Variants in ABCA1 observed in about 807,000 individuals in gnomAD.
ABCA1 encodes phospholipid-transporting ATPase ABCA1.
In ABCA1, 133 loss-of-function variants were observed where a neutral mutation model predicts 262.5. The ratio of observed to expected loss-of-function variants is 0.51; its 90% CI spans 0.44 to 0.59. The LOEUF (loss-of-function observed/expected upper bound fraction) is 0.59, where lower values mean the gene tolerates loss of function less well. Among genes scored for constraint, ABCA1 ranks in the 20% least tolerant of loss-of-function variants. The probability of loss-of-function intolerance (pLI) is 0.00; values close to 1 mark genes in which losing one functional copy is unlikely to be tolerated. For missense variants in ABCA1, 2,452 were observed against 2,777.5 expected (o/e 0.88, Z 2.63); for synonymous variants, 1,022 against 1,043.5 (o/e 0.98, Z 0.40).
In ABCA1 at chr9:104,781,011, A is replaced by C. The variant is rs1362243656; in HGVS notation, c.*3304T>G. The C allele has an allele frequency of 6.6e-6, 1 of 152,636 alleles. No individual in the cohort carries two copies. The highest frequency in any genetic ancestry group is 1.5e-5 in the Non-Finnish European group (1 of 68,038). 9.5% of individuals were successfully genotyped at this position (152,636 alleles called of 1,614,324 possible). A position where few individuals can be genotyped will look rare whatever the true frequency, so the allele number is the denominator to read the frequency against. On this transcript the variant is annotated 3_prime_UTR_variant, in exon 50 of 50. Transcript: ENST00000374736. ...AATGCACAAAAGTAAATTTCTGTAG[A>C]CCAACAGAACTGTCACAGCTTTATT... is the stretch of plus-strand genomic sequence containing the variant.
At position 104,889,720 on chromosome 9, in the gene ABCA1, GCTAAATA is replaced by G. The variant is rs558787234; in HGVS notation, c.67-532_67-526del. Among the ~76,000 whole-genome samples the G allele has an allele frequency of 1.4e-3, 210 of 152,312 alleles. 2 individuals carry two copies. The Middle Eastern group carries it at 0.02, about 15-fold the overall frequency. On this transcript the variant is annotated intron_variant, in intron 2 of 49. Coordinates refer to ENST00000374736, the MANE Select transcript of ABCA1 (RefSeq NM_005502.4). The stretch of plus-strand genomic sequence containing the variant: ...GGAGAGGACCAGGCCAACCTGCTGT[GCTAAATA>G]CACACAACCCTTGCTCCTCTAATTG...
At chr9:104,923,181 A>G (rs985798909) in intron 1 of ABCA1, among the ~76,000 whole-genome samples, 1 of 152,264 alleles carries the variant, frequency 6.6e-6, no homozygotes, top group African/African-American at 2.4e-5. Flanking sequence ...ATATTGTATT[A>G]TAACAAATTT....
At chr9:104,816,872 G>A (rs1408111097) in intron 24 of ABCA1, among the ~76,000 whole-genome samples, 1 of 152,140 alleles carries the variant, frequency 6.6e-6, no homozygotes, top group African/African-American at 2.4e-5. Flanking sequence ...TTAGGACTAG[G>A]CAGAGATAGC....
intron 5 of ABCA1, among the ~76,000 whole-genome samples, chr9:104,876,828 G>A (rs890575220): frequency 2.0e-5 from 3 of 152,212 alleles, no homozygotes; most frequent in Non-Finnish European, 4.4e-5. Flanking sequence ...TCCAGGGCAA[G>A]GAAGGAAGCT....
intron 2 of ABCA1, among the ~76,000 whole-genome samples, chr9:104,896,748 T>TC (rs1205451177): frequency 6.6e-5 from 8 of 121,666 alleles, no homozygotes; most frequent in Non-Finnish European, 1.1e-4. Flanking sequence ...TTTTTTTTTT[T>TC]CAGACAGAGT....
intron 7 of ABCA1, among the ~76,000 whole-genome samples, chr9:104,854,777 C>T (rs906615935): frequency 1.1e-4 from 16 of 152,204 alleles, no homozygotes; most frequent in African/African-American, 3.9e-4. Context: ...TGAGCGCACT[C>T]CATAACAAGT....
At chr9:104,896,572 G>T (rs1564269942) in intron 2 of ABCA1, among the ~76,000 whole-genome samples, 1 of 151,968 alleles carries the variant, frequency 6.6e-6, no homozygotes, top group East Asian at 1.9e-4. Flanking sequence ...AGGCAAAAAG[G>T]TAAGTGGGGG....
Position 104,800,503 on chromosome 9 carries a change from G to A in ABCA1, c.4773+7C>T, listed in dbSNP as rs767157118. 21 of 1,611,470 alleles carry A rather than the reference G, an allele frequency of 1.3e-5. No homozygotes were observed. Among genetic ancestry groups the A allele is most frequent in the Admixed American group, 5.0e-5 (3 of 59,982 alleles). ...AAAAAGCTACTAGAACAAAGACAGC[G>A]GTTTACCTTGACATTATTTTTGGTG... On this transcript the variant is annotated splice_region_variant and intron_variant, in intron 35 of 49. Coordinates refer to ENST00000374736, the MANE Select transcript of ABCA1 (RefSeq NM_005502.4).
chr9:104,855,888 G>T, intron 7 of ABCA1: 18 of 1,612,790 alleles, frequency 1.1e-5, no homozygotes, highest in Non-Finnish European at 1.5e-5. Flanking sequence ...CTGGAAACAG[G>T]GAAACACTCA....
chr9:104,909,641 C>T (rs1250502528), intron 1 of ABCA1, among the ~76,000 whole-genome samples: 1 of 147,528 alleles, frequency 6.8e-6, no homozygotes, highest in African/African-American at 2.5e-5. Context: ...CACACACACA[C>T]ACACACACAC....
At chr9:104,927,482 G>A (rs1225288098) in intron 1 of ABCA1, 1 of 152,388 alleles carries the variant, frequency 6.6e-6, no homozygotes, top group Admixed American at 6.5e-5. Context: ...CTTAAGAACC[G>A]AGTGAAGACT....
At chr9:104,891,726 G>A (rs1269829019) in intron 2 of ABCA1, among the ~76,000 whole-genome samples, 1 of 151,210 alleles carries the variant, frequency 6.6e-6, no homozygotes, top group African/African-American at 2.4e-5. Flanking sequence ...AGAACTTTGC[G>A]AGGCCAAGGC....
At chr9:104,865,423 G>A (rs954310721) in intron 5 of ABCA1, among the ~76,000 whole-genome samples, 3 of 151,064 alleles carry the variant, frequency 2.0e-5, no homozygotes, top group Non-Finnish European at 2.9e-5. Context: ...GGCTGAAGCA[G>A]GAGGATCACT....
intron 47 of ABCA1, among the ~76,000 whole-genome samples, chr9:104,786,593 G>A (rs1429622132): frequency 1.3e-5 from 2 of 152,148 alleles, no homozygotes; most frequent in South Asian, 2.1e-4. Flanking sequence ...ACAAAAGGGG[G>A]AATAGTTAAA....
At chr9:104,887,744 T>TTTTTTA (rs1839313273) in intron 3 of ABCA1, among the ~76,000 whole-genome samples, 1 of 134,888 alleles carries the variant, frequency 7.4e-6, no homozygotes, top group Non-Finnish European at 1.6e-5. Flanking sequence ...TTTTTTTTTT[T>TTTTTTA]GAGACAGAGT....
chr9:104,904,411 T>C (rs1341274546), intron 1 of ABCA1, among the ~76,000 whole-genome samples: 1 of 151,738 alleles, frequency 6.6e-6, no homozygotes, highest in African/African-American at 2.4e-5. Context: ...CTACTAAAAA[T>C]ACAAAAATTA....
intron 7 of ABCA1, among the ~76,000 whole-genome samples, chr9:104,848,979 CA>C (rs1835142149): frequency 1.3e-5 from 2 of 152,182 alleles, no homozygotes; most frequent in African/African-American, 4.8e-5. Flanking sequence ...ACCCAACATT[CA>C]CCCATTGTCA....
Position 104,903,782 on chromosome 9 carries a change from A to G in ABCA1, c.-92-11T>C. The G allele has an allele frequency of 1.7e-5, 18 of 1,085,004 alleles. No homozygotes were observed. The highest frequency in any genetic ancestry group is 2.5e-5 in the Non-Finnish European group (18 of 730,136). The allele number at this position is 1,085,004 out of a possible 1,614,324, so 67.2% of individuals were successfully genotyped here. A position where few individuals can be genotyped will look rare whatever the true frequency, so the allele number is the denominator to read the frequency against. On this transcript the variant is annotated splice_polypyrimidine_tract_variant and intron_variant, in intron 1 of 49. Coordinates refer to ENST00000374736, the MANE Select transcript of ABCA1 (RefSeq NM_005502.4). ...GTGGCTGGTCATTAACTGAAAGATA[A>G]AGCAGGAGGGGAAACAGCCATCAGT...
intron 1 of ABCA1, among the ~76,000 whole-genome samples, chr9:104,926,453 A>AAAAAACC: frequency 6.7e-6 from 1 of 148,684 alleles, no homozygotes; most frequent in East Asian, 1.9e-4. Context: ...CGCTAACAAA[A>AAAAAACC]AAAAAAACCA....
Sources: allele counts gnomAD v4.1 joint callset (sites outside exome capture counted in the v4.1 genomes callset), GRCh38; gene constraint gnomAD v4.1.1; transcripts MANE v1.5; gene names NCBI Gene and HGNC (gene_info 2026-07-23, HGNC 2026-07-21).